MCF2L2: variants seen among roughly 807,000 people sequenced by gnomAD.
The protein encoded by MCF2L2 is probable guanine nucleotide exchange factor MCF2L2.
In MCF2L2, 102 loss-of-function variants were observed where a neutral mutation model predicts 150.2. The ratio of observed to expected loss-of-function variants is 0.68; its 90% CI spans 0.58 to 0.80. MCF2L2 has a LOEUF of 0.80. Ranked by LOEUF, MCF2L2 falls within the 30% of genes least tolerant of loss-of-function variation. The pLI is 0.00. For missense variants in MCF2L2, 1,256 were observed against 1,372.8 expected (o/e 0.91, Z 1.34); for synonymous variants, 465 against 491.3 (o/e 0.95, Z 0.71).
chr3:183,403,813 G>A (rs2108614590), intron 1 of MCF2L2, among the ~76,000 whole-genome samples: 1 of 152,332 alleles, frequency 6.6e-6, no homozygotes, highest in East Asian at 1.9e-4. Context: ...GTATGGGAAA[G>A]GAAAGGGAGT....
Position 183,300,211 on chromosome 3 carries a change from C to T in MCF2L2, c.1114-15G>A. 2 of 1,588,332 alleles carry T rather than the reference C, an allele frequency of 1.3e-6. No homozygotes were observed. The highest frequency in any genetic ancestry group is 1.1e-5 in the South Asian group (1 of 87,380). The stretch of plus-strand genomic sequence containing the variant: ...TCCAGGGGCTCCTGCAAAGTGAACA[C>T]CCACAGCCAGGCGTCAGAAGTCAGA... On this transcript the variant is annotated splice_polypyrimidine_tract_variant and intron_variant, in intron 10 of 29. Transcript: ENST00000328913.
chr3:183,281,267 C>T (rs1166704865), intron 14 of MCF2L2, among the ~76,000 whole-genome samples: 3 of 151,912 alleles, frequency 2.0e-5, no homozygotes, highest in Admixed American at 6.6e-5. Context: ...GGGTGTTCTA[C>T]ATGACGCAGC....
intron 15 of MCF2L2, among the ~76,000 whole-genome samples, chr3:183,251,340 T>C (rs763655241): frequency 1.3e-5 from 2 of 152,172 alleles, no homozygotes; most frequent in Non-Finnish European, 1.5e-5. Flanking sequence ...GCCTCTTCCT[T>C]GGGCCCCTGT....
intron 3 of MCF2L2, among the ~76,000 whole-genome samples, chr3:183,363,854 A>G (rs553772458): frequency 6.6e-6 from 1 of 152,346 alleles, no homozygotes; most frequent in Admixed American, 6.5e-5. Flanking sequence ...GGAAGATATA[A>G]TGAATATGTC....
At chr3:183,402,577 G>T (rs1260702943) in intron 1 of MCF2L2, among the ~76,000 whole-genome samples, 1 of 151,628 alleles carries the variant, frequency 6.6e-6, no homozygotes. Flanking sequence ...TGAGGCAGGA[G>T]ATCGCTTTAG....
intron 11 of MCF2L2, chr3:183,298,339 T>C (rs1728645428): frequency 6.6e-6 from 1 of 152,106 alleles, no homozygotes; most frequent in African/African-American, 2.4e-5. Context: ...TGAAAAGCAA[T>C]ATAAAGTAAC....
At chr3:183,309,657 G>A in intron 10 of MCF2L2, 59 bp downstream of exon 10, 14 of 1,607,940 alleles carry the variant, frequency 8.7e-6, no homozygotes, top group South Asian at 4.4e-5. Flanking sequence ...GACTGGACAT[G>A]ATCCATCATT....
At chr3:183,405,325 T>C (rs1714988995) in intron 1 of MCF2L2, among the ~76,000 whole-genome samples, 1 of 152,190 alleles carries the variant, frequency 6.6e-6, no homozygotes, top group Non-Finnish European at 1.5e-5. Context: ...ATTGTTTTTG[T>C]TTGCTAATTC....
At chr3:183,187,617 C>T (rs892719295) in intron 27 of MCF2L2, among the ~76,000 whole-genome samples, 2 of 152,100 alleles carry the variant, frequency 1.3e-5, no homozygotes, top group African/African-American at 2.4e-5. Context: ...GACAGGCATG[C>T]GCCACCACGC....
chr3:183,340,478 A>T (rs1049183104), intron 4 of MCF2L2, among the ~76,000 whole-genome samples: 1 of 152,096 alleles, frequency 6.6e-6, no homozygotes, highest in Admixed American at 6.5e-5. Context: ...GTCCCTACAG[A>T]GGAAGGACAC....
chr3:183,277,808 G>A (rs1371986905), intron 14 of MCF2L2, among the ~76,000 whole-genome samples: 2 of 151,074 alleles, frequency 1.3e-5, no homozygotes, highest in Non-Finnish European at 2.9e-5. Context: ...AAAATAGGAT[G>A]TCAGTCCAAT....
At chr3:183,345,408 A>G (rs546682457) in intron 3 of MCF2L2, among the ~76,000 whole-genome samples, 2 of 152,328 alleles carry the variant, frequency 1.3e-5, no homozygotes, top group South Asian at 2.1e-4. Context: ...TCTCTGGGAC[A>G]CAGCTAAAGC....
chr3:183,259,077 C>G (rs149054442), intron 15 of MCF2L2, among the ~76,000 whole-genome samples: 2 of 151,972 alleles, frequency 1.3e-5, no homozygotes, highest in African/African-American at 2.4e-5. Flanking sequence ...TCTGAGGATG[C>G]GGAACCCATG....
At chr3:183,341,260 C>T (rs4859169) in intron 4 of MCF2L2, among the ~76,000 whole-genome samples, 2 of 152,026 alleles carry the variant, frequency 1.3e-5, no homozygotes, top group African/African-American at 2.4e-5. Flanking sequence ...GGTTACTCCC[C>T]GGGCATTAAC....
Position 183,270,097 on chromosome 3 carries a change from A to C in MCF2L2, c.1862+6775T>G. ...CTGTTTGTAAAAACTGCTCCTGAAA[A>C]CTATGATCGACGTTCCGGAATTAGA... is the stretch of plus-strand genomic sequence containing the variant. On this transcript the variant is annotated intron_variant, in intron 15 of 29. Transcript: ENST00000328913. This position sits in a 1 kb window ranked among gnomAD's most constrained non-coding sequence, Gnocchi z 4.5. 6.2e-7 allele frequency: 1 copy of C among 1,614,162 alleles called. No individual in the cohort carries two copies. The highest frequency in any genetic ancestry group is 1.1e-5 in the South Asian group (1 of 91,076).
At chr3:183,192,267 T>C (rs1468018369) in intron 27 of MCF2L2, among the ~76,000 whole-genome samples, 1 of 151,776 alleles carries the variant, frequency 6.6e-6, no homozygotes, top group East Asian at 1.9e-4. Context: ...AACTCCGGAG[T>C]AGCTAGAATT....
At chr3:183,221,590 T>C (rs1322710733) in intron 20 of MCF2L2, among the ~76,000 whole-genome samples, 1 of 152,136 alleles carries the variant, frequency 6.6e-6, no homozygotes, top group Non-Finnish European at 1.5e-5. Context: ...GAACCTAGGC[T>C]GAGGGAGGAA....
At chr3:183,420,241 A>C (rs755602244) in intron 1 of MCF2L2, among the ~76,000 whole-genome samples, 2 of 152,192 alleles carry the variant, frequency 1.3e-5, no homozygotes, top group Non-Finnish European at 2.9e-5. Context: ...TTTTCAGGTT[A>C]TCTTTATAGC....
chr3:183,230,818 T>C (rs1241396387), intron 16 of MCF2L2, 133 bp downstream of exon 16: 5 of 639,696 alleles, frequency 7.8e-6, no homozygotes, highest in Non-Finnish European at 1.4e-5. Flanking sequence ...CTGGAGACAC[T>C]TGTAATATTC....
Sources: gnomAD v4.1 joint callset for allele counts (sites outside exome capture counted in the v4.1 genomes callset) on GRCh38, gnomAD v4.1.1 for gene constraint, Gnocchi (gnomAD v3.1) non-coding constraint, MANE v1.5 for transcripts, NCBI Gene and HGNC (gene_info 2026-07-23, HGNC 2026-07-21) for gene names.